KCNIP4: variants seen among roughly 807,000 people sequenced by gnomAD.
KCNIP4 encodes Kv channel-interacting protein 4.
In KCNIP4, 12 loss-of-function variants were observed where a neutral mutation model predicts 34.0. That is an observed-to-expected ratio of 0.35 (90% CI 0.23 to 0.57). KCNIP4 has a LOEUF of 0.57. Among genes scored for constraint, KCNIP4 ranks in the 20% least tolerant of loss-of-function variants. KCNIP4 has a pLI of 0.83. For synonymous variants in KCNIP4, 124 were observed against 102.2 expected (o/e 1.21, Z -1.29); for missense variants, 238 against 311.7 (o/e 0.76, Z 1.78).
chr4:21,093,518 T>C (rs11946189), intron 1 of KCNIP4, among the ~76,000 whole-genome samples: 3,358 of 151,894 alleles, frequency 0.022, 142 homozygotes, highest in African/African-American at 0.077. Context: ...AAAAGTTCTT[T>C]GGATTTCACA....
chr4:21,609,474 C>T (rs1403348889), intron 1 of KCNIP4, among the ~76,000 whole-genome samples: 1 of 152,192 alleles, frequency 6.6e-6, no homozygotes, highest in Non-Finnish European at 1.5e-5. Flanking sequence ...AAAACAAGGA[C>T]AGCCTGTATG....
At chr4:20,871,140 GA>G (rs1295988321) in intron 2 of KCNIP4, among the ~76,000 whole-genome samples, 11 of 152,026 alleles carry the variant, frequency 7.2e-5, no homozygotes, top group Admixed American at 7.2e-4. Flanking sequence ...ATTAAATATT[GA>G]TTGAGTGCCT....
intron 1 of KCNIP4, among the ~76,000 whole-genome samples, chr4:21,834,274 G>A (rs1199997688): frequency 6.6e-6 from 1 of 152,168 alleles, no homozygotes; most frequent in East Asian, 1.9e-4. Context: ...TCCTTGAGCA[G>A]TCGTCTGTAG....
Position 21,304,030 on chromosome 4 carries a change from TGAGAGAGAGAGAGAGA to T in KCNIP4, c.62-421337_62-421322del, listed in dbSNP as rs770366497. On this transcript the variant is annotated intron_variant, in intron 1 of 8. Coordinates refer to ENST00000382152, the MANE Select transcript of KCNIP4 (RefSeq NM_025221.6). ...GGAGAAAGGGGAGGAGGAGAGCGTA[TGAGAGAGAGAGAGAGA>T]GAGAGAGAGAGAGAGAGAGAGACAG... 117 of 288,638 alleles carry T rather than the reference TGAGAGAGAGAGAGAGA, an allele frequency of 4.1e-4. 2 individuals are homozygous for T. The highest frequency in any genetic ancestry group is 9.2e-4 in the Middle Eastern group (1 of 1,084). 17.9% of individuals were successfully genotyped at this position (288,638 alleles called of 1,614,324 possible). A position where few individuals can be genotyped will look rare whatever the true frequency, so the allele number is the denominator to read the frequency against.
intron 1 of KCNIP4, among the ~76,000 whole-genome samples, chr4:21,052,027 G>A (rs759495425): frequency 2.0e-5 from 3 of 152,122 alleles, no homozygotes; most frequent in African/African-American, 4.8e-5. Context: ...CAATACATTG[G>A]AATTTAGAAA....
intron 1 of KCNIP4, among the ~76,000 whole-genome samples, chr4:21,273,607 C>T (rs1009727137): frequency 6.6e-6 from 1 of 152,114 alleles, no homozygotes; most frequent in Non-Finnish European, 1.5e-5. Flanking sequence ...ATAACATTTC[C>T]TCAATTCTAT....
intron 4 of KCNIP4, among the ~76,000 whole-genome samples, chr4:20,755,194 G>A (rs2149352163): frequency 6.6e-6 from 1 of 152,248 alleles, no homozygotes; most frequent in Non-Finnish European, 1.5e-5. Context: ...CTTAATAACA[G>A]TCTTCCTGTG....
At chr4:20,750,021 A>G (rs868294481) in intron 4 of KCNIP4, among the ~76,000 whole-genome samples, 3 of 152,212 alleles carry the variant, frequency 2.0e-5, no homozygotes, top group South Asian at 2.1e-4. Context: ...AAATGGTCCC[A>G]TAGGTGGATG....
chr4:21,024,201 CAAGTA>C (rs1740331465), intron 1 of KCNIP4, among the ~76,000 whole-genome samples: 2 of 152,102 alleles, frequency 1.3e-5, no homozygotes, highest in East Asian at 1.9e-4. Flanking sequence ...AATTTGAAAC[CAAGTA>C]AAGTAATGCT....
chr4:21,007,741 G>A (rs190174858), intron 1 of KCNIP4, among the ~76,000 whole-genome samples: 1 of 152,248 alleles, frequency 6.6e-6, no homozygotes, highest in East Asian at 1.9e-4. Flanking sequence ...AAACAATGGC[G>A]CCAAAGGGAA....
chr4:21,021,423 T>C (rs1740023305), intron 1 of KCNIP4, among the ~76,000 whole-genome samples: 1 of 152,200 alleles, frequency 6.6e-6, no homozygotes, highest in Admixed American at 6.6e-5. Flanking sequence ...ATTAGCTTAC[T>C]TGCAACTTTG....
intron 1 of KCNIP4, chr4:20,983,993 G>A (rs574547298): frequency 5.3e-6 from 8 of 1,521,628 alleles, no homozygotes; most frequent in African/African-American, 4.1e-5. Flanking sequence ...TTACAGAATC[G>A]TAGCAACGTC....
At chr4:20,928,502 C>T (rs1364333138) in intron 1 of KCNIP4, among the ~76,000 whole-genome samples, 1 of 151,382 alleles carries the variant, frequency 6.6e-6, no homozygotes, top group South Asian at 2.1e-4. Context: ...ACAATAAATG[C>T]CTACATTAAA....
At chr4:21,152,370 A>T (rs557902853) in intron 1 of KCNIP4, among the ~76,000 whole-genome samples, 2 of 152,148 alleles carry the variant, frequency 1.3e-5, no homozygotes, top group Non-Finnish European at 2.9e-5. Flanking sequence ...TATATTCACT[A>T]TCTCTAACTT....
chr4:21,875,539 G>A (rs1361010945), intron 1 of KCNIP4, among the ~76,000 whole-genome samples: 1 of 152,158 alleles, frequency 6.6e-6, no homozygotes, highest in East Asian at 1.9e-4. Flanking sequence ...ACCAGTAGAA[G>A]TGATTTTTTT....
At chr4:21,504,475 A>AAAAAAAAAAAAAAAAAAAG (rs1264431211) in intron 1 of KCNIP4, among the ~76,000 whole-genome samples, 13 of 101,842 alleles carry the variant, frequency 1.3e-4, no homozygotes, top group Non-Finnish European at 2.2e-4. Flanking sequence ...CAAAAAAAAA[A>AAAAAAAAAAAAAAAAAAAG]AAAGAAAGAA....
At chr4:21,328,070 T>C (rs1157131951) in intron 1 of KCNIP4, among the ~76,000 whole-genome samples, 3 of 152,048 alleles carry the variant, frequency 2.0e-5, no homozygotes, top group African/African-American at 7.2e-5. Flanking sequence ...CCTTATTTAG[T>C]TCGTTTAGTG....
At chr4:21,523,294 G>C (rs1735696962) in intron 1 of KCNIP4, among the ~76,000 whole-genome samples, 1 of 152,054 alleles carries the variant, frequency 6.6e-6, no homozygotes, top group Non-Finnish European at 1.5e-5. Flanking sequence ...CTCTGTGCTA[G>C]ATGAGGTGAT....
At chr4:21,653,675 CA>C (rs1747686935) in intron 1 of KCNIP4, among the ~76,000 whole-genome samples, 1 of 152,162 alleles carries the variant, frequency 6.6e-6, no homozygotes, top group South Asian at 2.1e-4. Context: ...TACTAGGTGT[CA>C]GGGGCTGTGC....
Sources: gnomAD v4.1 joint callset for allele counts (sites outside exome capture counted in the v4.1 genomes callset) on GRCh38, gnomAD v4.1.1 for gene constraint, MANE v1.5 for transcripts, NCBI Gene and HGNC (gene_info 2026-07-23, HGNC 2026-07-21) for gene names.